Variants in USH2A observed in about 807,000 individuals in gnomAD.
USH2A encodes the protein Usher syndrome 2A (autosomal recessive, mild).
Under a neutral mutation model 538.9 loss-of-function variants are expected in USH2A, and 443 were observed. The observed-to-expected ratio is 0.82, with a 90% CI of 0.76 to 0.89. The LOEUF is 0.89. Among genes scored for constraint, USH2A ranks in the 40% least tolerant of loss-of-function variants. The probability of loss-of-function intolerance (pLI) is 0.00; values close to 1 mark genes in which losing one functional copy is unlikely to be tolerated. For synonymous variants in USH2A, 2,413 were observed against 2,273.5 expected, an observed-to-expected ratio of 1.06 and a Z score of -1.75; for missense variants, 6,633 against 6,324.8, an observed-to-expected ratio of 1.05 and a Z score of -1.65.
chr1:216,292,956 TA>T (rs750835180), intron 9 of USH2A, among the ~76,000 whole-genome samples: 30 of 151,710 alleles, frequency 2.0e-4, no homozygotes, highest in Non-Finnish European at 4.3e-4. Flanking sequence ...AAATACTCAC[TA>T]AAAGTACTTT....
intron 38 of USH2A, among the ~76,000 whole-genome samples, chr1:215,921,815 G>A (rs138203998): frequency 6.6e-6 from 1 of 152,058 alleles, no homozygotes; most frequent in African/African-American, 2.4e-5. Context: ...AATAGCACTT[G>A]CCTTACAGGG....
chr1:216,327,516 C>T, intron 5 of USH2A, 75 bp downstream of exon 5: 2 of 1,516,846 alleles, frequency 1.3e-6, no homozygotes, highest in Non-Finnish European at 1.8e-6. Flanking sequence ...GTATAATCTA[C>T]ATAGTATTCT....
chr1:215,664,409 T>G (rs1227216000), intron 64 of USH2A, among the ~76,000 whole-genome samples: 1 of 152,200 alleles, frequency 6.6e-6, no homozygotes, highest in Non-Finnish European at 1.5e-5. Context: ...TGAAGCTGAT[T>G]TCATACATTC....
At chr1:215,751,965 A>C (rs137895498) in intron 58 of USH2A, among the ~76,000 whole-genome samples, 433 of 152,292 alleles carry the variant, frequency 2.8e-3, no homozygotes, top group Non-Finnish European at 4.6e-3. Flanking sequence ...TTAGAAAACA[A>C]TACCACCTTT....
At chr1:215,676,719 G>A (rs992905841) in intron 62 of USH2A, among the ~76,000 whole-genome samples, 1 of 152,188 alleles carries the variant, frequency 6.6e-6, no homozygotes, top group Non-Finnish European at 1.5e-5. Context: ...CATGTGGGAA[G>A]GGGACTGCCA....
In USH2A at chr1:215,970,687, A is replaced by T; in HGVS notation, c.6895T>A (p.Trp2299Arg). 1 of 1,613,730 alleles carries T rather than the reference A, an allele frequency of 6.2e-7. No individual in the cohort carries two copies. Among genetic ancestry groups the T allele is most frequent in the Non-Finnish European group, 8.5e-7 (1 of 1,179,758 alleles). ...LSYRAYGFAPWSLHSFRVQAC... is the reference protein window; with the variant it reads ...LSYRAYGFAPRSLHSFRVQAC... The stretch of plus-strand genomic sequence containing the variant: ...TGGACTCTGAAGGAATGTAAACTCC[A>T]AGGAGCAAATCCGTAAGCACGATAG... Residue 2299 changes from tryptophan to arginine, a missense_variant, in exon 36 of 72, where the codon TGG becomes AGG. Trp to Arg is a moderately radical substitution (Grantham distance 101). Coordinates refer to ENST00000307340, the MANE Select transcript of USH2A (RefSeq NM_206933.4).
intron 11 of USH2A, among the ~76,000 whole-genome samples, chr1:216,276,978 G>A (rs757862337): frequency 9.2e-5 from 14 of 152,056 alleles, no homozygotes; most frequent in Non-Finnish European, 1.8e-4. Flanking sequence ...TCACTATGAT[G>A]TAATGAATAA....
At chr1:215,637,937 T>G (rs1656549440) in intron 69 of USH2A, among the ~76,000 whole-genome samples, 1 of 152,238 alleles carries the variant, frequency 6.6e-6, no homozygotes, top group Non-Finnish European at 1.5e-5. Context: ...GGCATTTCTC[T>G]AATTTGCTTT....
Position 216,246,767 on chromosome 1 carries a change from C to T in USH2A, c.2627G>A (p.Gly876Asp), listed in dbSNP as rs773752123. 3.1e-6 allele frequency: 5 copies of T among 1,613,992 alleles called. No homozygotes were observed. Among genetic ancestry groups the T allele is most frequent in the Non-Finnish European group, 4.2e-6 (5 of 1,179,988 alleles). Residue 876 changes from glycine (G) to aspartate (D), a missense_variant, in exon 13 of 72, where the codon GGT (glycine) becomes GAT (aspartate). Coordinates refer to ENST00000307340, the MANE Select transcript of USH2A (RefSeq NM_206933.4). ...AGGCTCACACTGATTACAGCGAAGACCTGTTACCCCTAATTTGCAAGGACA... is the reference window on the plus strand; with the variant it reads ...AGGCTCACACTGATTACAGCGAAGATCTGTTACCCCTAATTTGCAAGGACA... ...GQCPCKLGVTGLRCNQCEPHR... is the reference protein window; with the variant it reads ...GQCPCKLGVTDLRCNQCEPHR...
intron 20 of USH2A, among the ~76,000 whole-genome samples, chr1:216,178,284 G>C (rs150357402): frequency 5.9e-5 from 9 of 152,220 alleles, no homozygotes; most frequent in African/African-American, 2.2e-4. Context: ...ATGAATCTGT[G>C]AATTATATGC....
chr1:215,690,587 A>G (rs746003296), intron 61 of USH2A, among the ~76,000 whole-genome samples: 50 of 152,082 alleles, frequency 3.3e-4, no homozygotes, highest in Non-Finnish European at 5.3e-4. Flanking sequence ...TTTCTATCTC[A>G]AAACCCATAG....
At chr1:216,105,806 G>T (rs2032716060) in intron 21 of USH2A, among the ~76,000 whole-genome samples, 1 of 151,578 alleles carries the variant, frequency 6.6e-6, no homozygotes, top group African/African-American at 2.4e-5. Flanking sequence ...TATAGCTTTG[G>T]CTATACAAAT....
At chr1:216,200,306 T>C (rs867709270) in intron 16 of USH2A, among the ~76,000 whole-genome samples, 185 bp from the exon 17 acceptor site, 2 of 152,220 alleles carry the variant, frequency 1.3e-5, no homozygotes, top group Admixed American at 1.3e-4. Flanking sequence ...GCTTTTATTA[T>C]TGAGTATAAG....
intron 21 of USH2A, among the ~76,000 whole-genome samples, chr1:216,149,127 C>G (rs913493011): frequency 2.6e-5 from 4 of 152,098 alleles, no homozygotes; most frequent in Non-Finnish European, 4.4e-5. Context: ...CAAGACCACA[C>G]CCTGTAGCCT....
At chr1:216,109,896 T>C (rs1319767221) in intron 21 of USH2A, among the ~76,000 whole-genome samples, 5 of 152,230 alleles carry the variant, frequency 3.3e-5, no homozygotes, top group Admixed American at 6.5e-5. Context: ...GATGTATTTA[T>C]CTACATATTT....
intron 10 of USH2A, among the ~76,000 whole-genome samples, chr1:216,290,027 CA>C (rs2036971942): frequency 6.6e-6 from 1 of 151,960 alleles, no homozygotes; most frequent in Admixed American, 6.6e-5. Flanking sequence ...TTAGATATAT[CA>C]GGTAATTCCC....
intron 61 of USH2A, among the ~76,000 whole-genome samples, chr1:215,706,228 A>C (rs530513524): frequency 1.3e-5 from 2 of 152,194 alleles, no homozygotes; most frequent in East Asian, 3.9e-4. Flanking sequence ...TACCTCTACT[A>C]GTACTACCAG....
In USH2A at chr1:216,390,502, C is replaced by T. The variant is rs546057200; in HGVS notation, c.652-25417G>A. 1.4e-4 allele frequency among the ~76,000 whole-genome samples: 22 copies of T among 152,146 alleles called. 1 individual carries two copies. In the South Asian group the frequency reaches 3.7e-3, roughly 26 times the overall value. ...CCCAATCTAAATATTCAAAAATGGC[C>T]GTGACTTTTTAAATTTTATAATGTT... On this transcript the variant is annotated intron_variant, in intron 3 of 71. Coordinates refer to ENST00000307340, the MANE Select transcript of USH2A (RefSeq NM_206933.4).
chr1:215,966,744 T>C (rs553901786), intron 36 of USH2A, among the ~76,000 whole-genome samples: 19 of 152,318 alleles, frequency 1.2e-4, no homozygotes, highest in Admixed American at 8.5e-4. Context: ...CAATGTAATT[T>C]GTTTTATTAT....
Sources: allele counts gnomAD v4.1 joint callset (sites outside exome capture counted in the v4.1 genomes callset), GRCh38; gene constraint gnomAD v4.1.1; transcripts MANE v1.5; gene names NCBI Gene and HGNC (gene_info 2026-07-23, HGNC 2026-07-21).